The following ANO6 variants were observed in gnomAD, a reference collection of about 807,000 sequenced individuals.
ANO6 encodes the protein anoctamin-6.
ANO6 carries 106 observed loss-of-function variants against 117.5 expected under a neutral mutation model. The ratio of observed to expected loss-of-function variants is 0.90; its 90% confidence interval spans 0.77 to 1.06. ANO6 has a LOEUF of 1.06. Ranked by LOEUF, ANO6 falls within the 50% of genes least tolerant of loss-of-function variation. The pLI is 0.00. For missense variants in ANO6, 955 were observed against 1,121.1 expected (o/e 0.85, Z 2.12); for synonymous variants, 367 against 385.1 (o/e 0.95, Z 0.55).
At chr12:45,342,940 C>CT (rs1307415816) in intron 3 of ANO6, among the ~76,000 whole-genome samples, 2 of 152,106 alleles carry the variant, frequency 1.3e-5, no homozygotes, top group Non-Finnish European at 2.9e-5. Context: ...AAAGGATAGA[C>CT]TTCTGACACC....
chr12:45,426,128 G>GTA (rs1355020834), intron 19 of ANO6, among the ~76,000 whole-genome samples: 2 of 152,128 alleles, frequency 1.3e-5, no homozygotes, highest in Non-Finnish European at 2.9e-5. Flanking sequence ...ACATCATGTT[G>GTA]TATACCTTTA....
At position 45,422,956 on chromosome 12, in the gene ANO6, G is replaced by C. The variant is rs1006218944; in HGVS notation, c.2421-1G>C. ...CCAATATGTCTCCATTTTGTTTTCA[G>C]GTATCGTGATTTCCGATACCCACCT... On this transcript the variant is annotated splice_acceptor_variant, in intron 18 of 19. Coordinates refer to ENST00000320560, the MANE Select transcript of ANO6 (RefSeq NM_001025356.3). LOFTEE classifies it high-confidence loss of function. 50 of 1,604,224 alleles carry C rather than the reference G, an allele frequency of 3.1e-5. No individual in the cohort carries two copies. The highest frequency in any genetic ancestry group is 3.9e-5 in the Non-Finnish European group (46 of 1,171,198).
intron 10 of ANO6, among the ~76,000 whole-genome samples, chr12:45,386,455 A>G (rs1942300479): frequency 1.3e-5 from 2 of 152,168 alleles, no homozygotes; most frequent in Non-Finnish European, 2.9e-5. Context: ...AATTTAGGAT[A>G]TTGCCTAAGT....
intron 1 of ANO6, among the ~76,000 whole-genome samples, chr12:45,267,173 T>C (rs1396777249): frequency 6.6e-6 from 1 of 152,170 alleles, no homozygotes; most frequent in Non-Finnish European, 1.5e-5. Context: ...TTTCTCACAG[T>C]TCTGGAGGCT....
intron 11 of ANO6, among the ~76,000 whole-genome samples, chr12:45,389,346 G>A (rs1393267147): frequency 6.6e-6 from 1 of 152,128 alleles, no homozygotes; most frequent in Non-Finnish European, 1.5e-5. Flanking sequence ...ATATGTTGTT[G>A]AAAGATTGTA....
intron 12 of ANO6, among the ~76,000 whole-genome samples, chr12:45,396,269 G>A (rs926034128): frequency 1.3e-5 from 2 of 152,022 alleles, no homozygotes; most frequent in Non-Finnish European, 2.9e-5. Context: ...AAAATACCTA[G>A]GAATCCAACT....
chr12:45,295,858 T>A (rs564526209), intron 1 of ANO6, among the ~76,000 whole-genome samples: 1 of 151,860 alleles, frequency 6.6e-6, no homozygotes, highest in African/African-American at 2.4e-5. Context: ...AATTTTTTTA[T>A]TTTTATTTTT....
At chr12:45,296,213 C>T (rs1370904305) in intron 1 of ANO6, among the ~76,000 whole-genome samples, 1 of 152,148 alleles carries the variant, frequency 6.6e-6, no homozygotes, top group African/African-American at 2.4e-5. Context: ...GTTTCAGGTA[C>T]AAGACAGCGT....
At chr12:45,393,308 A>G (rs1188405675) in intron 12 of ANO6, among the ~76,000 whole-genome samples, 2 of 152,240 alleles carry the variant, frequency 1.3e-5, no homozygotes, top group Non-Finnish European at 2.9e-5. Flanking sequence ...AAAAGTAAAA[A>G]GCAACGAACA....
At chr12:45,309,089 A>C (rs1939768089) in intron 2 of ANO6, among the ~76,000 whole-genome samples, 1 of 152,086 alleles carries the variant, frequency 6.6e-6, no homozygotes. Flanking sequence ...TTCTTAAATA[A>C]ATGCTTCTTG....
rs562963305 is a variant in ANO6, at chr12:45,222,124, G to A, written c.70+5733G>A. Among the ~76,000 whole-genome samples, 16 of 150,836 alleles carry A rather than the reference G, an allele frequency of 1.1e-4. No individual in the cohort carries two copies. The South Asian group carries it at 2.3e-3, about 22-fold the overall frequency. On this transcript the variant is annotated intron_variant, in intron 1 of 19. Coordinates refer to ENST00000320560, the MANE Select transcript of ANO6 (RefSeq NM_001025356.3). ...GTCTCATCTCCTGACCTCGTGATCC[G>A]CCTGTCTCAGCCTCCCAAAGTGCTG...
chr12:45,434,212 A>G (rs1238112981), downstream of ANO6, among the ~76,000 whole-genome samples: 1 of 152,230 alleles, frequency 6.6e-6, no homozygotes, highest in Non-Finnish European at 1.5e-5. Flanking sequence ...AATACCGTTC[A>G]GGGTGGATAA....
At chr12:45,282,096 C>A (rs1420700637) in intron 1 of ANO6, among the ~76,000 whole-genome samples, 1 of 152,126 alleles carries the variant, frequency 6.6e-6, no homozygotes, top group Admixed American at 6.5e-5. Flanking sequence ...TCTGGCTTGA[C>A]CAGCCAAATA....
intron 1 of ANO6, among the ~76,000 whole-genome samples, chr12:45,229,687 C>G (rs1457561871): frequency 6.7e-6 from 1 of 150,364 alleles, no homozygotes; most frequent in Admixed American, 6.6e-5. Flanking sequence ...TGCGCCCAGC[C>G]TTATTTTAGT....
At position 45,390,695 on chromosome 12, in the gene ANO6, T is replaced by C. The variant is rs1168601435; in HGVS notation, c.1386+197T>C. ...AGCAACTCCCAAGGTTCGAGATACCTTATCTGTTCACAGAGGTTCTTCTAG... is the reference window on the plus strand; with the variant it reads ...AGCAACTCCCAAGGTTCGAGATACCCTATCTGTTCACAGAGGTTCTTCTAG... On this transcript the variant is annotated intron_variant, in intron 12 of 19. Transcript: ENST00000320560. 5.9e-5 allele frequency among the ~76,000 whole-genome samples: 9 copies of C among 152,308 alleles called. 1 individual carries two copies. In the East Asian group the frequency reaches 1.7e-3, roughly 29 times the overall value.
At chr12:45,306,647 T>C (rs1370572610) in intron 2 of ANO6, among the ~76,000 whole-genome samples, 1 of 152,118 alleles carries the variant, frequency 6.6e-6, no homozygotes, top group Non-Finnish European at 1.5e-5. Flanking sequence ...AAAACACATG[T>C]GATCCCAAGG....
chr12:45,236,897 CCTGA>C (rs1218842103), intron 1 of ANO6, among the ~76,000 whole-genome samples: 1 of 152,118 alleles, frequency 6.6e-6, no homozygotes, highest in Non-Finnish European at 1.5e-5. Context: ...TCTGTTGTTC[CCTGA>C]CTTTTTAATG....
Position 45,422,985 on chromosome 12 carries a change from C to G in ANO6, c.2449C>G (p.His817Asp). 1 of 1,613,854 alleles carries G rather than the reference C, an allele frequency of 6.2e-7. No homozygotes were observed. The highest frequency in any genetic ancestry group is 8.5e-7 in the Non-Finnish European group (1 of 1,179,732). The part of the protein sequence containing the change: ...RYRDFRYPPG[H>D]PQEYKHNIYY... ...TCGTGATTTCCGATACCCACCTGGACACCCCCAGGAGTATAAACACAACAT... is the reference window on the plus strand; with the variant it reads ...TCGTGATTTCCGATACCCACCTGGAGACCCCCAGGAGTATAAACACAACAT... The change falls in exon 19 of 20, where the codon CAC becomes GAC. Residue 817 changes from histidine (H) to aspartate (D), a missense_variant. Transcript: ENST00000320560.
chr12:45,373,040 G>A (rs376913683), intron 9 of ANO6, among the ~76,000 whole-genome samples: 2 of 151,910 alleles, frequency 1.3e-5, no homozygotes, highest in African/African-American at 2.4e-5. Flanking sequence ...ATGGAAAACA[G>A]AAAAAGGCAG....
Sources: gnomAD v4.1 joint callset for allele counts (sites outside exome capture counted in the v4.1 genomes callset) on GRCh38, gnomAD v4.1.1 for gene constraint, MANE v1.5 for transcripts, NCBI Gene and HGNC (gene_info 2026-07-23, HGNC 2026-07-21) for gene names.